The following RASGRF1 variants were observed in gnomAD, a reference collection of about 807,000 sequenced individuals.
RASGRF1 encodes ras-specific guanine nucleotide-releasing factor 1.
RASGRF1 carries 40 observed loss-of-function variants against 138.7 expected under a neutral mutation model. The ratio of observed to expected loss-of-function variants is 0.29; its 90% CI spans 0.22 to 0.38. RASGRF1 has a LOEUF of 0.38. Ranked by LOEUF, RASGRF1 falls within the 10% of genes least tolerant of loss-of-function variation. RASGRF1 has a pLI of 1.00. For missense variants in RASGRF1, 1,108 were observed against 1,650.4 expected, an observed-to-expected ratio of 0.67 and a Z score of 5.69; for synonymous variants, 614 against 663.2, an observed-to-expected ratio of 0.93 and a Z score of 1.14.
intron 1 of RASGRF1, among the ~76,000 whole-genome samples, chr15:79,089,525 C>G (rs370253593): frequency 1.3e-5 from 2 of 152,246 alleles, no homozygotes; most frequent in African/African-American, 4.8e-5. Context: ...AGGAGAGAAG[C>G]GCCCACTTCG....
intron 16 of RASGRF1, among the ~76,000 whole-genome samples, chr15:79,001,030 C>A (rs1395775496): frequency 6.6e-6 from 1 of 152,144 alleles, no homozygotes; most frequent in Non-Finnish European, 1.5e-5. Flanking sequence ...ATCTCACAGC[C>A]CCCTTGTATA....
chr15:78,967,230 G>A lies in RASGRF1; in HGVS notation c.3681+4636C>T, dbSNP rs950859486. Among the ~76,000 whole-genome samples the A allele has an allele frequency of 2.6e-5, 4 of 151,986 alleles. No individual in the cohort carries two copies. In the East Asian group the frequency reaches 7.7e-4, roughly 29 times the overall value. Reference sequence around the variant, plus strand: ...TGCATTTGAGCCTGGGTGACAGAGTGAGACCCTGCCTCAAACAAACAAACA... The same window carrying A: ...TGCATTTGAGCCTGGGTGACAGAGTAAGACCCTGCCTCAAACAAACAAACA... On this transcript the variant is annotated intron_variant, in intron 26 of 26. Transcript: ENST00000558480.
intron 1 of RASGRF1, among the ~76,000 whole-genome samples, chr15:79,083,288 C>T (rs1183051292): frequency 2.0e-5 from 3 of 152,222 alleles, no homozygotes; most frequent in African/African-American, 4.8e-5. Flanking sequence ...GCACGACAGT[C>T]GCCCTCACGG....
intron 10 of RASGRF1, 144 bp downstream of exon 10, chr15:79,025,170 G>T: frequency 1.1e-6 from 1 of 883,648 alleles, no homozygotes; most frequent in Non-Finnish European, 1.6e-6. Flanking sequence ...CCAAACTATG[G>T]GTTGTGTGTA....
chr15:78,996,297 G>A (rs2056390037), intron 19 of RASGRF1, among the ~76,000 whole-genome samples: 1 of 152,218 alleles, frequency 6.6e-6, no homozygotes, highest in African/African-American at 2.4e-5. Flanking sequence ...GGTGGGGAAT[G>A]AGGGTAGAGC....
chr15:78,986,088 C>T (rs535571004), intron 22 of RASGRF1, among the ~76,000 whole-genome samples: 29 of 152,172 alleles, frequency 1.9e-4, no homozygotes, highest in Non-Finnish European at 3.4e-4. Flanking sequence ...AGGGAATCTA[C>T]CATCATACAA....
At chr15:78,993,283 TG>T (rs2056317109) in intron 20 of RASGRF1, among the ~76,000 whole-genome samples, 1 of 146,580 alleles carries the variant, frequency 6.8e-6, no homozygotes, top group Non-Finnish European at 1.5e-5. Context: ...GGTGTGTGTG[TG>T]GTGTCTGTGT....
chr15:79,065,338 G>A (rs924469752), intron 1 of RASGRF1, among the ~76,000 whole-genome samples: 2 of 152,042 alleles, frequency 1.3e-5, no homozygotes, highest in Admixed American at 6.6e-5. Flanking sequence ...GGAAGAGCAT[G>A]GGGGCAGCTT....
intron 12 of RASGRF1, among the ~76,000 whole-genome samples, chr15:79,017,411 T>C (rs2056894195): frequency 6.6e-6 from 1 of 152,214 alleles, no homozygotes; most frequent in East Asian, 1.9e-4. Context: ...GGGCATGTAC[T>C]AAAATGCGGA....
intron 26 of RASGRF1, among the ~76,000 whole-genome samples, chr15:78,969,197 A>G (rs1281966653): frequency 2.0e-5 from 3 of 152,218 alleles, no homozygotes; most frequent in Admixed American, 6.5e-5. Flanking sequence ...CTACACATCA[A>G]GACTCAATCC....
At position 79,050,772 on chromosome 15, in the gene RASGRF1, C is replaced by T. The variant is rs1202313617; in HGVS notation, c.532-1184G>A. 6.6e-6 allele frequency among the ~76,000 whole-genome samples: 1 copy of T among 152,202 alleles called. No individual in the cohort carries two copies. Among genetic ancestry groups the T allele is most frequent in the Non-Finnish European group, 1.5e-5 (1 of 68,040 alleles). On this transcript the variant is annotated intron_variant, in intron 3 of 26. Coordinates refer to ENST00000558480, the MANE Select transcript of RASGRF1 (RefSeq NM_001145648.3). This position sits in a 1 kb window ranked among gnomAD's most constrained non-coding sequence, Gnocchi z 4.1. ...CATAGACAGGCCAGTGGTGTATCCT[C>T]CTGCGCAGGGCTCGTCCAACCACTC...
At chr15:79,079,855 C>A (rs1275476107) in intron 1 of RASGRF1, among the ~76,000 whole-genome samples, 1 of 152,226 alleles carries the variant, frequency 6.6e-6, no homozygotes, top group Non-Finnish European at 1.5e-5. Flanking sequence ...TTCCATTCCC[C>A]AGGCTTCTCC....
At chr15:79,001,234 A>G (rs1298620443) in intron 16 of RASGRF1, among the ~76,000 whole-genome samples, 1 of 152,070 alleles carries the variant, frequency 6.6e-6, no homozygotes, top group East Asian at 1.9e-4. Flanking sequence ...TCAGTTCAGG[A>G]AGCACCTTCT....
chr15:79,038,074 T>C (rs8025226), intron 5 of RASGRF1, among the ~76,000 whole-genome samples: 84,665 of 151,992 alleles, frequency 0.56, 24,396 homozygotes, highest in East Asian at 0.75. Context: ...AATCTTTGCT[T>C]GCTCATCCAC....
At chr15:78,968,250 A>ATTGTGTGTGTGTGTG (rs140770821) in intron 26 of RASGRF1, among the ~76,000 whole-genome samples, 3 of 134,226 alleles carry the variant, frequency 2.2e-5, no homozygotes, top group East Asian at 2.1e-4. Flanking sequence ...CATGACACTG[A>ATTGTGTGTGTGTGTG]TGTGTGTGTG....
intron 3 of RASGRF1, among the ~76,000 whole-genome samples, chr15:79,049,929 TCTC>T (rs2057408511): frequency 6.6e-6 from 1 of 152,122 alleles, no homozygotes; most frequent in African/African-American, 2.4e-5. Flanking sequence ...AATCTGTGGT[TCTC>T]CTCCCTACTC....
chr15:79,002,557 A>G (rs2056556516), intron 15 of RASGRF1, among the ~76,000 whole-genome samples: 1 of 152,302 alleles, frequency 6.6e-6, no homozygotes, highest in African/African-American at 2.4e-5. Context: ...ACATACACAC[A>G]CATATACACA....
At chr15:79,036,807 A>G (rs867589354) in intron 5 of RASGRF1, among the ~76,000 whole-genome samples, 63 of 152,220 alleles carry the variant, frequency 4.1e-4, no homozygotes, top group African/African-American at 1.4e-3. Context: ...GGAGGAAGAA[A>G]GGGAGGGAGA....
chr15:78,979,291 C>A, intron 24 of RASGRF1: 1 of 948,022 alleles, frequency 1.1e-6, no homozygotes, highest in Non-Finnish European at 1.4e-6. Context: ...AGGAAGAAAA[C>A]GCAAAGAGGA....
Sources: gnomAD v4.1 joint callset for allele counts (sites outside exome capture counted in the v4.1 genomes callset) on GRCh38, gnomAD v4.1.1 for gene constraint, Gnocchi (gnomAD v3.1) non-coding constraint, MANE v1.5 for transcripts, NCBI Gene and HGNC (gene_info 2026-07-23, HGNC 2026-07-21) for gene names.